The following ANKRD30BL variants were observed in gnomAD, a reference collection of about 807,000 sequenced individuals.
ANKRD30BL encodes putative ankyrin repeat domain-containing protein 30B-like.
A neutral mutation model predicts 18.4 loss-of-function variants in ANKRD30BL; 20 were observed. The observed-to-expected ratio is 1.09, with a 90% CI of 0.77 to 1.58. The LOEUF (loss-of-function observed/expected upper bound fraction) is 1.58, where lower values mean the gene tolerates loss of function less well. ANKRD30BL is among the 40% of genes most tolerant of loss of function. The pLI is 0.00. For synonymous variants in ANKRD30BL, 72 were observed against 100.9 expected, an observed-to-expected ratio of 0.71 and a Z score of 1.72; for missense variants, 224 against 268.6, an observed-to-expected ratio of 0.83 and a Z score of 1.16.
At chr2:132,253,993 G>A (rs1441498472) in intron 1 of ANKRD30BL, among the ~76,000 whole-genome samples, 3 of 151,812 alleles carry the variant, frequency 2.0e-5, no homozygotes, top group Admixed American at 1.3e-4. Context: ...GTGGGACAGG[G>A]CACGATGACA....
intron 1 of ANKRD30BL, among the ~76,000 whole-genome samples, chr2:132,219,779 G>A (rs552101556): frequency 6.4e-4 from 98 of 152,252 alleles, no homozygotes; most frequent in African/African-American, 2.2e-3. Context: ...GAATCTGCAT[G>A]TGGATATTTG....
chr2:132,191,216 A>G (rs1342265766), intron 1 of ANKRD30BL, among the ~76,000 whole-genome samples: 1 of 152,172 alleles, frequency 6.6e-6, no homozygotes, highest in East Asian at 1.9e-4. Flanking sequence ...CATTCTCTCA[A>G]TATATTTTAG....
chr2:132,148,185 C>T lies in ANKRD30BL; in HGVS notation c.723G>A (p.Ala241=), dbSNP rs62165773. 155,228 of 1,568,984 alleles carry T rather than the reference C, an allele frequency of 0.099. 11,234 individuals are homozygous for T. The highest frequency in any genetic ancestry group is 0.28 in the Admixed American group (15,759 of 55,952). ...EGTPDEAAPL[A]ERTPDTAESL... ...TTTCAGCCGTGTCAGGTGTTCTTTC[C>T]GCCAAGGGTGCAGCCTCATCAGGTG... The change falls in exon 6 of 6, where the codon GCG becomes GCA. Residue 241 remains alanine (A), a synonymous_variant. Coordinates refer to ENST00000409867, the MANE Select transcript of ANKRD30BL (RefSeq NM_001358416.1).
In ANKRD30BL at chr2:132,173,301, C is replaced by CTT. The variant is rs35866741; in HGVS notation, n.442-16157_442-16156dup. Among the ~76,000 whole-genome samples the CTT allele has an allele frequency of 4.9e-3, 638 of 129,366 alleles. 8 individuals carry two copies. The highest frequency in any genetic ancestry group is 0.013 in the African/African-American group (447 of 34,524). 84.9% of individuals were successfully genotyped at this position (129,366 alleles called of 152,430 possible). A position where few individuals can be genotyped will look rare whatever the true frequency, so the allele number is the denominator to read the frequency against. On this transcript the variant is annotated intron_variant and non_coding_transcript_variant, in intron 1 of 4. Transcript: ENST00000470729. The stretch of plus-strand genomic sequence containing the variant: ...TTGTTGTTATTAATCAATTTTGCTT[C>CTT]TTTTTTTTTTTTTTTTGAGATGGAG...
intron 1 of ANKRD30BL, among the ~76,000 whole-genome samples, chr2:132,245,346 T>C (rs1376775582): frequency 4.6e-5 from 7 of 150,554 alleles, no homozygotes; most frequent in African/African-American, 1.7e-4. Flanking sequence ...GAGTTGAACA[T>C]TAGCTTTTAT....
At chr2:132,167,780 C>T (rs905993060) in intron 1 of ANKRD30BL, among the ~76,000 whole-genome samples, 110 of 152,092 alleles carry the variant, frequency 7.2e-4, no homozygotes, top group African/African-American at 2.4e-3. Context: ...TAATTAGAAT[C>T]GATTATATAT....
intron 1 of ANKRD30BL, among the ~76,000 whole-genome samples, chr2:132,190,350 G>A (rs1335736625): frequency 6.6e-6 from 1 of 151,498 alleles, no homozygotes; most frequent in Non-Finnish European, 1.5e-5. Context: ...CTTCTGCTTC[G>A]AGTACATGTT....
At chr2:132,222,818 C>T (rs1157657958) in intron 1 of ANKRD30BL, among the ~76,000 whole-genome samples, 1 of 71,220 alleles carries the variant, frequency 1.4e-5, no homozygotes, top group African/African-American at 4.4e-5. Flanking sequence ...TGAGAAACAG[C>T]CAAGAATGAT....
chr2:132,222,005 C>T (rs1358148806), intron 1 of ANKRD30BL, among the ~76,000 whole-genome samples: 2 of 138,226 alleles, frequency 1.4e-5, no homozygotes, highest in Admixed American at 6.9e-5. Context: ...AAGTGAGGAG[C>T]CCCTCTGCCC....
At chr2:132,248,843 A>G (rs538538921) in intron 1 of ANKRD30BL, among the ~76,000 whole-genome samples, 41 of 152,190 alleles carry the variant, frequency 2.7e-4, no homozygotes, top group African/African-American at 9.9e-4. Context: ...CCAATTCTAC[A>G]AAAATACTGT....
intron 1 of ANKRD30BL, among the ~76,000 whole-genome samples, chr2:132,194,174 T>C: frequency 6.6e-6 from 1 of 152,132 alleles, no homozygotes; most frequent in South Asian, 2.1e-4. Flanking sequence ...GACCAACTGC[T>C]ATAGCATGGG....
intron 1 of ANKRD30BL, among the ~76,000 whole-genome samples, chr2:132,252,650 C>A (rs1352575495): frequency 1.3e-5 from 2 of 152,084 alleles, no homozygotes; most frequent in Non-Finnish European, 2.9e-5. Context: ...CAGGGGTGGA[C>A]GGCGAACTGC....
intron 1 of ANKRD30BL, among the ~76,000 whole-genome samples, chr2:132,214,821 A>T (rs113886258): frequency 1.4e-5 from 2 of 142,800 alleles, no homozygotes; most frequent in East Asian, 4.4e-4. Context: ...TTTGAGGCCT[A>T]TGGTGAAAAG....
At chr2:132,234,364 C>G (rs959950452) in intron 1 of ANKRD30BL, among the ~76,000 whole-genome samples, 7 of 151,724 alleles carry the variant, frequency 4.6e-5, no homozygotes, top group African/African-American at 1.7e-4. Flanking sequence ...AATAGAGACA[C>G]AAAAAACCCT....
chr2:132,208,121 A>C (rs1232079064), intron 1 of ANKRD30BL, among the ~76,000 whole-genome samples: 4 of 152,028 alleles, frequency 2.6e-5, no homozygotes, highest in Non-Finnish European at 5.9e-5. Flanking sequence ...GAGGCATTGG[A>C]TTCCCTAAAC....
chr2:132,168,603 G>T (rs1388352825), intron 1 of ANKRD30BL, among the ~76,000 whole-genome samples: 1 of 152,126 alleles, frequency 6.6e-6, no homozygotes, highest in East Asian at 1.9e-4. Flanking sequence ...ATGGGGAGAT[G>T]CTTTTAGTTA....
chr2:132,223,632 C>T (rs1279513200), intron 1 of ANKRD30BL, among the ~76,000 whole-genome samples: 1 of 148,966 alleles, frequency 6.7e-6, no homozygotes, highest in Non-Finnish European at 1.5e-5. Flanking sequence ...TTCACATAAA[C>T]ACTAGACAGA....
At chr2:132,165,606 C>T (rs984884819), upstream of ANKRD30BL, among the ~76,000 whole-genome samples, 1 of 151,466 alleles carries the variant, frequency 6.6e-6, no homozygotes, top group African/African-American at 2.4e-5. Context: ...GCCTGTAGTC[C>T]CAGCTACTCT....
At chr2:132,157,794 G>A (rs926327883) in intron 1 of ANKRD30BL, among the ~76,000 whole-genome samples, 3 of 152,118 alleles carry the variant, frequency 2.0e-5, no homozygotes, top group African/African-American at 7.2e-5. Context: ...GAGAATATGT[G>A]CAATGTATTT....
Sources: gnomAD v4.1 joint callset for allele counts (sites outside exome capture counted in the v4.1 genomes callset) on GRCh38, gnomAD v4.1.1 for gene constraint, MANE v1.5 for transcripts, NCBI Gene and HGNC (gene_info 2026-07-23, HGNC 2026-07-21) for gene names.